EPB41: variants seen among roughly 807,000 people sequenced by gnomAD.
EPB41 encodes the protein protein 4.1.
EPB41 carries 65 observed loss-of-function variants against 108.0 expected under a neutral mutation model. The ratio of observed to expected loss-of-function variants is 0.60; its 90% CI spans 0.49 to 0.74. The LOEUF (loss-of-function observed/expected upper bound fraction) is 0.74. EPB41 is among the 30% of genes least tolerant of loss of function. The pLI is 0.00. For synonymous variants in EPB41, 336 were observed against 358.9 expected, an observed-to-expected ratio of 0.94 and a Z score of 0.72; for missense variants, 875 against 1,037.0, an observed-to-expected ratio of 0.84 and a Z score of 2.15.
At chr1:28,995,756 T>A (rs1257714519) in intron 3 of EPB41, among the ~76,000 whole-genome samples, 1 of 152,162 alleles carries the variant, frequency 6.6e-6, no homozygotes, top group East Asian at 1.9e-4. Context: ...AATAGTCTCT[T>A]TACAGTTCAA....
chr1:28,951,077 C>T (rs1458720968), intron 1 of EPB41, among the ~76,000 whole-genome samples: 1 of 151,908 alleles, frequency 6.6e-6, no homozygotes, highest in African/African-American at 2.4e-5. Flanking sequence ...TCAGGTGATC[C>T]GCCTGCCTCA....
intron 16 of EPB41, among the ~76,000 whole-genome samples, chr1:29,090,775 A>G (rs963619548): frequency 2.0e-5 from 3 of 152,098 alleles, no homozygotes; most frequent in Admixed American, 6.6e-5. Flanking sequence ...TGATAGAGGA[A>G]GTTGGGGTGG....
intron 1 of EPB41, among the ~76,000 whole-genome samples, chr1:28,894,878 G>A (rs532534916): frequency 6.6e-6 from 1 of 152,136 alleles, no homozygotes; most frequent in African/African-American, 2.4e-5. Flanking sequence ...CCTCTTTCTG[G>A]CTTTTTTCTC....
chr1:29,064,467 C>G (rs1647014401), intron 15 of EPB41, among the ~76,000 whole-genome samples: 1 of 152,098 alleles, frequency 6.6e-6, no homozygotes, highest in Non-Finnish European at 1.5e-5. Context: ...AAAACCATCT[C>G]CAGGTAGAAA....
chr1:28,961,318 C>A (rs1298953620), intron 1 of EPB41, among the ~76,000 whole-genome samples: 1 of 152,028 alleles, frequency 6.6e-6, no homozygotes, highest in Admixed American at 6.6e-5. Context: ...AGAAAAATCA[C>A]CTTACATGAA....
At chr1:29,011,164 C>A (rs1292497079) in intron 4 of EPB41, among the ~76,000 whole-genome samples, 1 of 149,942 alleles carries the variant, frequency 6.7e-6, no homozygotes, top group African/African-American at 2.5e-5. Context: ...AGTTTGAGAC[C>A]AGCCTAGCCA....
At position 29,006,483 on chromosome 1, in the gene EPB41, C is replaced by T. The variant is rs560264714; in HGVS notation, c.787-5382C>T. ...CGATCTCCTGACCTCATGATCCACC[C>T]GCCTGGGCCTGCCAGAGTGCTGGGA... On this transcript the variant is annotated intron_variant, in intron 4 of 20. Transcript: ENST00000343067. Among the ~76,000 whole-genome samples the T allele has an allele frequency of 1.8e-4, 28 of 152,108 alleles. No homozygotes were observed. The South Asian group carries it at 5.4e-3, about 29-fold the overall frequency.
At chr1:28,911,835 G>A (rs1007990154), upstream of EPB41, among the ~76,000 whole-genome samples, 5 of 152,108 alleles carry the variant, frequency 3.3e-5, no homozygotes, top group Admixed American at 1.3e-4. Flanking sequence ...CTGAGGCTGG[G>A]GGTTCGAGAC....
intron 6 of EPB41, among the ~76,000 whole-genome samples, chr1:29,016,617 CTAATT>C (rs1390967345): frequency 6.6e-6 from 1 of 152,086 alleles, no homozygotes. Flanking sequence ...TGGAGCCCAC[CTAATT>C]TATTAAATCC....
chr1:28,920,795 G>C (rs2093016258), intron 1 of EPB41, among the ~76,000 whole-genome samples: 2 of 152,014 alleles, frequency 1.3e-5, no homozygotes, highest in African/African-American at 4.8e-5. Context: ...TCCACACCTG[G>C]CTGATTTTTT....
chr1:29,080,006 GA>G lies in EPB41; in HGVS notation c.2184+14855del, dbSNP rs562708374. On this transcript the variant is annotated intron_variant, in intron 16 of 20. Coordinates refer to ENST00000343067, the MANE Select transcript of EPB41 (RefSeq NM_001376013.1). ...AGCAAAACTCTTATCTCAAAAAAAAGAAAAAAATATATATTTCTCTGAGGAG... is the reference window on the plus strand; with the variant it reads ...AGCAAAACTCTTATCTCAAAAAAAAGAAAAAATATATATTTCTCTGAGGAG... Among the ~76,000 whole-genome samples the G allele has an allele frequency of 3.7e-3, 569 of 151,882 alleles. 6 individuals carry two copies. The highest frequency in any genetic ancestry group is 0.013 in the African/African-American group (528 of 41,476).
chr1:28,988,291 T>G (rs1262442204), intron 2 of EPB41, among the ~76,000 whole-genome samples: 2 of 152,314 alleles, frequency 1.3e-5, no homozygotes, highest in East Asian at 3.9e-4. Context: ...AGTACTTGGT[T>G]TTATTTCTTA....
intron 2 of EPB41, among the ~76,000 whole-genome samples, chr1:28,990,820 A>G (rs2096001959): frequency 6.6e-6 from 1 of 152,170 alleles, no homozygotes; most frequent in South Asian, 2.1e-4. Flanking sequence ...TGCATTGTCT[A>G]AAGTTCATAG....
chr1:28,894,974 G>T (rs2090513802), intron 1 of EPB41, among the ~76,000 whole-genome samples: 1 of 152,184 alleles, frequency 6.6e-6, no homozygotes, highest in South Asian at 2.1e-4. Flanking sequence ...CTGGGATAAG[G>T]GCTGGGCTCT....
chr1:29,101,377 A>G (rs1380929054), intron 17 of EPB41, among the ~76,000 whole-genome samples: 1 of 152,224 alleles, frequency 6.6e-6, no homozygotes, highest in Admixed American at 6.5e-5. Flanking sequence ...TGACCATTGC[A>G]AGCTTTGGAG....
chr1:28,931,933 G>C (rs2093771516), intron 1 of EPB41, among the ~76,000 whole-genome samples: 1 of 152,200 alleles, frequency 6.6e-6, no homozygotes, highest in African/African-American at 2.4e-5. Context: ...TGAGGGCCCT[G>C]AGCTTAAGCT....
At chr1:28,941,224 A>C (rs2094270941) in intron 1 of EPB41, among the ~76,000 whole-genome samples, 1 of 151,634 alleles carries the variant, frequency 6.6e-6, no homozygotes, top group Non-Finnish European at 1.5e-5. Flanking sequence ...AAAACAAAAC[A>C]AACAAAAAAA....
rs745982851 is a variant in EPB41, at chr1:29,015,692, G to C, written c.830G>C (p.Gly277Ala). Residue 277 changes from glycine to alanine, a missense_variant and splice_region_variant, in exon 6 of 21, where the codon GGT (glycine) becomes GCT (alanine). Gly to Ala is a moderately conservative substitution (Grantham distance 60). Around this residue, in one of 3 missense-constraint regions of EPB41, gnomAD observed 353 missense variants for 393.2 expected, o/e 0.90. Coordinates refer to ENST00000343067, the MANE Select transcript of EPB41 (RefSeq NM_001376013.1). ...SAKEIKKQVRGVPWNFTFNVK... is the reference protein window; with the variant it reads ...SAKEIKKQVRAVPWNFTFNVK... Reference sequence around the variant, plus strand: ...AATTCTTTTGTGTTTATTTTTATAGGTGTCCCTTGGAATTTTACATTTAAT... The same window carrying C: ...AATTCTTTTGTGTTTATTTTTATAGCTGTCCCTTGGAATTTTACATTTAAT... 2 of 1,596,762 alleles carry C rather than the reference G, an allele frequency of 1.3e-6. No homozygotes were observed. Among genetic ancestry groups the C allele is most frequent in the Non-Finnish European group, 1.7e-6 (2 of 1,165,112 alleles).
intron 1 of EPB41, among the ~76,000 whole-genome samples, chr1:28,923,511 C>T (rs1414753209): frequency 6.6e-6 from 1 of 152,084 alleles, no homozygotes; most frequent in Non-Finnish European, 1.5e-5. Context: ...AAGTGCCATT[C>T]CGTCTCCTAA....
Sources: allele counts gnomAD v4.1 joint callset (sites outside exome capture counted in the v4.1 genomes callset), GRCh38; gene constraint gnomAD v4.1.1; regional missense constraint gnomAD v4.1.1; transcripts MANE v1.5; gene names NCBI Gene and HGNC (gene_info 2026-07-23, HGNC 2026-07-21).